GALNT17: variants seen among roughly 807,000 people sequenced by gnomAD.
The protein encoded by GALNT17 is UDP-GalNAc:polypeptide N-acetylgalactosaminyltransferase-like 3.
A neutral mutation model predicts 63.7 loss-of-function variants in GALNT17; 29 were observed. The ratio of observed to expected loss-of-function variants is 0.46; its 90% confidence interval spans 0.34 to 0.62. GALNT17 has a LOEUF of 0.62. GALNT17 is among the 20% of genes least tolerant of loss of function. The probability of loss-of-function intolerance (pLI) is 0.01; values close to 1 mark genes in which losing one functional copy is unlikely to be tolerated. For missense variants in GALNT17, 603 were observed against 799.6 expected (o/e 0.75, Z 2.97); for synonymous variants, 305 against 318.3 (o/e 0.96, Z 0.45).
chr7:71,452,442 A>G (rs1277782099), intron 5 of GALNT17, among the ~76,000 whole-genome samples: 2 of 152,172 alleles, frequency 1.3e-5, no homozygotes, highest in East Asian at 3.9e-4. Context: ...GCTACTCAGG[A>G]GGCTGAGGCA....
chr7:71,361,222 A>G (rs1266646965), intron 2 of GALNT17, among the ~76,000 whole-genome samples: 1 of 152,166 alleles, frequency 6.6e-6, no homozygotes, highest in African/African-American at 2.4e-5. Context: ...TCAAAACTTC[A>G]TGGGCATAAG....
chr7:71,513,946 C>G (rs190475868), intron 5 of GALNT17, among the ~76,000 whole-genome samples: 4 of 152,218 alleles, frequency 2.6e-5, no homozygotes, highest in Admixed American at 2.6e-4. Flanking sequence ...CATCCCAGCA[C>G]TTTGCAGGGC....
chr7:71,504,950 C>T (rs1461842617), intron 5 of GALNT17, among the ~76,000 whole-genome samples: 1 of 152,124 alleles, frequency 6.6e-6, no homozygotes, highest in Non-Finnish European at 1.5e-5. Context: ...GGTTTGCTTT[C>T]ATCCCCTCCT....
At chr7:71,584,089 G>A (rs893514423) in intron 6 of GALNT17, among the ~76,000 whole-genome samples, 7 of 152,152 alleles carry the variant, frequency 4.6e-5, no homozygotes, top group Admixed American at 6.5e-5. Flanking sequence ...CCAAGGTTGC[G>A]CCACTGCACT....
chr7:71,259,378 A>C (rs962675733), intron 1 of GALNT17, among the ~76,000 whole-genome samples: 1 of 152,228 alleles, frequency 6.6e-6, no homozygotes, highest in African/African-American at 2.4e-5. Context: ...AGGCAAGAGA[A>C]ATGGTTTAAG....
chr7:71,244,639 A>G (rs1029214614), intron 1 of GALNT17, among the ~76,000 whole-genome samples: 1 of 152,226 alleles, frequency 6.6e-6, no homozygotes, highest in Admixed American at 6.5e-5. Context: ...GAATGAAGGC[A>G]GAGACTGGGA....
intron 1 of GALNT17, among the ~76,000 whole-genome samples, chr7:71,164,316 G>A (rs1021558129): frequency 2.6e-5 from 4 of 152,192 alleles, no homozygotes; most frequent in South Asian, 2.1e-4. Flanking sequence ...AGCAAGGCAC[G>A]TCTTACATGG....
chr7:71,348,413 C>A (rs1252480923), intron 2 of GALNT17, among the ~76,000 whole-genome samples: 6 of 152,178 alleles, frequency 3.9e-5, no homozygotes, highest in Non-Finnish European at 7.3e-5. Context: ...ACCTGAAATG[C>A]GTTTAAAACA....
intron 5 of GALNT17, among the ~76,000 whole-genome samples, chr7:71,435,605 C>A (rs1040789682): frequency 1.3e-5 from 2 of 152,056 alleles, no homozygotes; most frequent in African/African-American, 2.4e-5. Flanking sequence ...ATCTTCGGGC[C>A]CCCACCCAGG....
intron 6 of GALNT17, among the ~76,000 whole-genome samples, chr7:71,618,016 T>C (rs145681571): frequency 4.6e-5 from 7 of 152,176 alleles, no homozygotes; most frequent in African/African-American, 1.4e-4. Flanking sequence ...GTTCCTGTGT[T>C]TATCTCCATG....
At chr7:71,598,904 T>G (rs1000897936) in intron 6 of GALNT17, among the ~76,000 whole-genome samples, 1 of 151,838 alleles carries the variant, frequency 6.6e-6, no homozygotes, top group Non-Finnish European at 1.5e-5. Flanking sequence ...GTGTCGGTGG[T>G]CTTAGTTGAC....
intron 6 of GALNT17, among the ~76,000 whole-genome samples, chr7:71,595,242 C>T (rs1181294366): frequency 6.6e-6 from 1 of 152,034 alleles, no homozygotes; most frequent in Non-Finnish European, 1.5e-5. Context: ...GACGACAAGG[C>T]AAGACCCTGT....
intron 5 of GALNT17, among the ~76,000 whole-genome samples, chr7:71,499,211 C>A (rs890805098): frequency 1.3e-5 from 2 of 152,060 alleles, no homozygotes; most frequent in African/African-American, 2.4e-5. Flanking sequence ...AATATTCTTA[C>A]CTGCAACAAG....
chr7:71,252,900 AC>A (rs1254812989), intron 1 of GALNT17, among the ~76,000 whole-genome samples: 2 of 152,162 alleles, frequency 1.3e-5, no homozygotes, highest in Non-Finnish European at 2.9e-5. Flanking sequence ...ATTGAGTTTC[AC>A]CCTGACAATG....
chr7:71,619,765 G>C (rs1021899939), intron 6 of GALNT17, among the ~76,000 whole-genome samples: 1 of 152,074 alleles, frequency 6.6e-6, no homozygotes, highest in Non-Finnish European at 1.5e-5. Context: ...TTTTTTTCCT[G>C]TTGGATGCCT....
At chr7:71,536,688 G>A (rs1176276986) in intron 5 of GALNT17, among the ~76,000 whole-genome samples, 3 of 152,124 alleles carry the variant, frequency 2.0e-5, no homozygotes, top group Non-Finnish European at 4.4e-5. Context: ...CACAACACGT[G>A]GGAATTATGG....
chr7:71,133,184 C>G (rs547015333), intron 1 of GALNT17, 144 bp downstream of exon 1: 10 of 677,602 alleles, frequency 1.5e-5, no homozygotes, highest in East Asian at 6.6e-5. Flanking sequence ...CTTCCTGCCC[C>G]GTTTCGGGCA....
At chr7:71,472,256 T>A (rs948944113) in intron 5 of GALNT17, among the ~76,000 whole-genome samples, 3 of 152,050 alleles carry the variant, frequency 2.0e-5, no homozygotes, top group African/African-American at 7.2e-5. Flanking sequence ...CCTAAAACCA[T>A]TGAGAGAATA....
intron 1 of GALNT17, among the ~76,000 whole-genome samples, chr7:71,269,232 A>G (rs1790543364): frequency 6.6e-6 from 1 of 152,208 alleles, no homozygotes; most frequent in African/African-American, 2.4e-5. Context: ...TGGGAAGCCA[A>G]GGTGGTAGGA....
Sources: allele counts gnomAD v4.1 joint callset (sites outside exome capture counted in the v4.1 genomes callset), GRCh38; gene constraint gnomAD v4.1.1; transcripts MANE v1.5; gene names NCBI Gene and HGNC (gene_info 2026-07-23, HGNC 2026-07-21).